Variants in SSX2IP observed in about 807,000 individuals in gnomAD.
SSX2IP encodes the protein afadin- and alpha-actinin-binding protein.
A neutral mutation model predicts 84.9 loss-of-function variants in SSX2IP; 55 were observed. That is an observed-to-expected ratio of 0.65 (90% CI 0.52 to 0.81). SSX2IP has a LOEUF of 0.81. Ranked by LOEUF, SSX2IP falls within the 30% of genes least tolerant of loss-of-function variation. The probability of loss-of-function intolerance (pLI) is 0.00; values close to 1 mark genes in which losing one functional copy is unlikely to be tolerated. For synonymous variants in SSX2IP, 239 were observed against 234.7 expected (o/e 1.02, Z -0.17); for missense variants, 664 against 705.2 (o/e 0.94, Z 0.66).
In SSX2IP at chr1:84,669,663, TG is replaced by T; in HGVS notation, c.426+17del. ...ATTATATAATTATGGCATTAAAATA[TG>T]GATCTGCAATTTCTACCTTAAGTTT... On this transcript the variant is annotated intron_variant, in intron 4 of 13. Coordinates refer to ENST00000342203, the MANE Select transcript of SSX2IP (RefSeq NM_001166293.2). 6.3e-7 allele frequency: 1 copy of T among 1,587,850 alleles called. No homozygotes were observed. Among genetic ancestry groups the T allele is most frequent in the Non-Finnish European group, 8.6e-7 (1 of 1,157,068 alleles).
Position 84,655,543 on chromosome 1 carries a change from C to A in SSX2IP, c.1389+289G>T, listed in dbSNP as rs112147346. ...CTGACCGTGGATGAATGATGGATAC[C>A]CAAAAGAGATTTCTTGTGTAAAACA... is the stretch of plus-strand genomic sequence containing the variant. On this transcript the variant is annotated intron_variant, in intron 11 of 13. Coordinates refer to ENST00000342203, the MANE Select transcript of SSX2IP (RefSeq NM_001166293.2). The A allele has an allele frequency of 1.4e-4, 195 of 1,367,680 alleles. 1 individual carries two copies. Among genetic ancestry groups the A allele is most frequent in the Middle Eastern group, 1.4e-3 (7 of 5,128 alleles). The allele number at this position is 1,367,680 out of a possible 1,614,324, so 84.7% of individuals were successfully genotyped here.
intron 3 of SSX2IP, 114 bp from the exon 4 acceptor site, chr1:84,670,007 A>G: frequency 1.4e-6 from 1 of 697,534 alleles, no homozygotes; most frequent in Non-Finnish European, 2.4e-6. Flanking sequence ...ATTGTACAAC[A>G]CGGTGACCTC....
intron 11 of SSX2IP, among the ~76,000 whole-genome samples, chr1:84,654,912 G>GT (rs1650855719): frequency 6.6e-6 from 1 of 152,076 alleles, no homozygotes; most frequent in Non-Finnish European, 1.5e-5. Flanking sequence ...TAGAACAAGA[G>GT]TAACAACAAG....
intron 1 of SSX2IP, among the ~76,000 whole-genome samples, chr1:84,682,504 CTTT>C (rs375144986): frequency 2.9e-5 from 4 of 140,244 alleles, no homozygotes; most frequent in African/African-American, 2.6e-5. Context: ...TTTGTCTTCA[CTTT>C]TTTTTTTTTT....
intron 5 of SSX2IP, among the ~76,000 whole-genome samples, chr1:84,665,401 T>C (rs1171962583): frequency 8.5e-5 from 13 of 152,146 alleles, no homozygotes; most frequent in Admixed American, 8.5e-4. Flanking sequence ...TTTAAAGAAA[T>C]ACACTCCTCA....
Position 84,656,408 on chromosome 1 carries a change from T to C in SSX2IP, c.1155A>G (p.Lys385=), listed in dbSNP as rs1202994718. 1.2e-6 allele frequency: 2 copies of C among 1,613,290 alleles called. No individual in the cohort carries two copies. Among genetic ancestry groups the C allele is most frequent in the Non-Finnish European group, 1.7e-6 (2 of 1,179,760 alleles). ...SRQDHEQETE[K]LELEIQQCKE... Reference sequence around the variant, plus strand: ...TACACTGCTGAATTTCTAACTCGAGTTTTTCAGTTTCTTGTTCATGGTCTT... The same window carrying C: ...TACACTGCTGAATTTCTAACTCGAGCTTTTCAGTTTCTTGTTCATGGTCTT... Residue 385 remains lysine, a synonymous_variant, in exon 10 of 14, where the codon AAA becomes AAG. Coordinates refer to ENST00000342203, the MANE Select transcript of SSX2IP (RefSeq NM_001166293.2).
chr1:84,683,317 C>T (rs183537220), intron 1 of SSX2IP, among the ~76,000 whole-genome samples: 5 of 151,946 alleles, frequency 3.3e-5, no homozygotes, highest in Admixed American at 6.5e-5. Context: ...TCTTCTTTAC[C>T]ACCTCACCTG....
intron 6 of SSX2IP, among the ~76,000 whole-genome samples, chr1:84,663,271 T>C (rs183345723): frequency 2.6e-5 from 4 of 152,180 alleles, no homozygotes; most frequent in Admixed American, 1.3e-4. Context: ...TCACTTCCGA[T>C]TGGACCAGGA....
At chr1:84,671,773 C>T (rs1029648819) in intron 1 of SSX2IP, among the ~76,000 whole-genome samples, 1 of 152,102 alleles carries the variant, frequency 6.6e-6, no homozygotes, top group African/African-American at 2.4e-5. Context: ...AATGAAACTT[C>T]CATATACTCC....
chr1:84,683,926 A>G (rs1655435008), intron 1 of SSX2IP, among the ~76,000 whole-genome samples: 1 of 152,194 alleles, frequency 6.6e-6, no homozygotes, highest in Non-Finnish European at 1.5e-5. Context: ...GATTATTAAG[A>G]AACAAGAAAA....
chr1:84,658,244 C>T, intron 9 of SSX2IP, 74 bp downstream of exon 9: 1 of 1,570,628 alleles, frequency 6.4e-7, no homozygotes, highest in Non-Finnish European at 8.7e-7. Context: ...TATAATGCGG[C>T]TTTCTAAGTG....
chr1:84,671,265 A>G lies in SSX2IP; in HGVS notation c.-46T>C. Reference sequence around the variant, plus strand: ...TACCTGAGGAACTAGTTCAGCAGTTAAACATTTAGTCTAGCTGCTGTCACT... The same window carrying G: ...TACCTGAGGAACTAGTTCAGCAGTTGAACATTTAGTCTAGCTGCTGTCACT... On this transcript the variant is annotated 5_prime_UTR_variant, in exon 2 of 14. Coordinates refer to ENST00000342203, the MANE Select transcript of SSX2IP (RefSeq NM_001166293.2). The G allele has an allele frequency of 6.2e-7, 1 of 1,602,378 alleles. No individual in the cohort carries two copies. The highest frequency in any genetic ancestry group is 8.5e-7 in the Non-Finnish European group (1 of 1,174,764).
At position 84,645,246 on chromosome 1, in the gene SSX2IP, T is replaced by C. The variant is rs377287868; in HGVS notation, c.*2187A>G. On this transcript the variant is annotated 3_prime_UTR_variant, in exon 14 of 14. Transcript: ENST00000342203. ...AATCCCAGGAGTTTTGTGTGTGGAG[T>C]CCTGGGTTTTCCAACAGACATCATT... The C allele has an allele frequency of 8.6e-5, 13 of 151,996 alleles. No individual in the cohort carries two copies. The highest frequency in any genetic ancestry group is 5.8e-4 in the East Asian group (3 of 5,184). 9.4% of individuals were successfully genotyped at this position (151,996 alleles called of 1,614,324 possible). A position where few individuals can be genotyped will look rare whatever the true frequency, so the allele number is the denominator to read the frequency against.
chr1:84,662,191 C>G lies in SSX2IP; in HGVS notation c.927+7G>C. On this transcript the variant is annotated splice_region_variant and intron_variant, in intron 8 of 13. Transcript: ENST00000342203. ...AAGACTGTATTAGAGAGGAAAGAGCCACTTACAGTTCCTGTACTATCATCT... is the reference window on the plus strand; with the variant it reads ...AAGACTGTATTAGAGAGGAAAGAGCGACTTACAGTTCCTGTACTATCATCT... The G allele has an allele frequency of 6.4e-7, 1 of 1,552,658 alleles. No individual in the cohort carries two copies.
Position 84,665,985 on chromosome 1 carries a change from G to A in SSX2IP, c.537+137C>T, listed in dbSNP as rs938180001. ...TTCCAGTTAAATACTATTACACAAA[G>A]GTCCACCATATCAATTTGGGGAAAG... On this transcript the variant is annotated intron_variant, in intron 5 of 13. Coordinates refer to ENST00000342203, the MANE Select transcript of SSX2IP (RefSeq NM_001166293.2). 13 of 653,778 alleles carry A rather than the reference G, an allele frequency of 2.0e-5. No individual in the cohort carries two copies. In the African/African-American group the frequency reaches 2.4e-4, roughly 12 times the overall value. 40.5% of individuals were successfully genotyped at this position (653,778 alleles called of 1,614,324 possible). A position where few individuals can be genotyped will look rare whatever the true frequency, so the allele number is the denominator to read the frequency against.
chr1:84,684,866 TAC>T (rs1200758109), intron 1 of SSX2IP, among the ~76,000 whole-genome samples: 4 of 152,246 alleles, frequency 2.6e-5, no homozygotes, highest in East Asian at 1.9e-4. Flanking sequence ...ATGTAATATA[TAC>T]AGTTTTAAAT....
Position 84,669,838 on chromosome 1 carries a change from G to A in SSX2IP, c.269C>T (p.Thr90Ile). 1 of 1,613,414 alleles carries A rather than the reference G, an allele frequency of 6.2e-7. No homozygotes were observed. Among genetic ancestry groups the A allele is most frequent in the East Asian group, 2.2e-5 (1 of 44,828 alleles). ...SLYEESKGKE[T>I]KRELNIVAVL... ...AGCTACTATATTTAACTCTCTCTTT[G>A]TCTCTTTACCTTTGGATTCTTCATA... The change falls in exon 4 of 14, where the codon ACA (threonine) becomes ATA (isoleucine). Residue 90 changes from threonine to isoleucine, a missense_variant. By Grantham distance (89) the Thr-to-Ile change is moderately conservative. Transcript: ENST00000342203.
At chr1:84,667,280 A>C (rs771786153) in intron 4 of SSX2IP, among the ~76,000 whole-genome samples, 1 of 152,074 alleles carries the variant, frequency 6.6e-6, no homozygotes, top group Non-Finnish European at 1.5e-5. Flanking sequence ...AACTCAAGGC[A>C]GAAACCTGAA....
intron 13 of SSX2IP, chr1:84,649,962 A>T (rs1195060104): frequency 3.5e-6 from 2 of 565,960 alleles, no homozygotes; most frequent in East Asian, 8.9e-5. Context: ...CAACAACAAT[A>T]AAATGGGCAT....
Sources: gnomAD v4.1 joint callset for allele counts (sites outside exome capture counted in the v4.1 genomes callset) on GRCh38, gnomAD v4.1.1 for gene constraint, MANE v1.5 for transcripts, NCBI Gene and HGNC (gene_info 2026-07-23, HGNC 2026-07-21) for gene names.